CNTN5: variants seen among roughly 807,000 people sequenced by gnomAD.
The protein encoded by CNTN5 is contactin-5.
Under a neutral mutation model 129.1 loss-of-function variants are expected in CNTN5, and 77 were observed. The ratio of observed to expected loss-of-function variants is 0.60; its 90% confidence interval spans 0.50 to 0.72. The LOEUF (loss-of-function observed/expected upper bound fraction) is 0.72. CNTN5 is among the 30% of genes least tolerant of loss of function. The pLI is 0.00. For synonymous variants in CNTN5, 509 were observed against 465.6 expected, an observed-to-expected ratio of 1.09 and a Z score of -1.20; for missense variants, 1,478 against 1,328.8, an observed-to-expected ratio of 1.11 and a Z score of -1.75.
chr11:99,172,543 G>A (rs1447968909), intron 1 of CNTN5, among the ~76,000 whole-genome samples: 1 of 152,148 alleles, frequency 6.6e-6, no homozygotes, highest in Non-Finnish European at 1.5e-5. Flanking sequence ...TAACATCTCT[G>A]AAGCTCAGTT....
Position 100,337,086 on chromosome 11 carries a change from G to T in CNTN5, c.2731-3377G>T, listed in dbSNP as rs1170535211. The stretch of plus-strand genomic sequence containing the variant: ...AGATTTCACAAATCACTCTTGTAGG[G>T]ATCATCAGACATGCAGAGAAGACTT... On this transcript the variant is annotated intron_variant, in intron 21 of 24. Coordinates refer to ENST00000524871, the MANE Select transcript of CNTN5 (RefSeq NM_014361.4). 5.3e-6 allele frequency: 7 copies of T among 1,332,230 alleles called. No individual in the cohort carries two copies. In the East Asian group the frequency reaches 1.2e-4, roughly 22 times the overall value. The allele number at this position is 1,332,230 out of a possible 1,614,324, so 82.5% of individuals were successfully genotyped here. A position where few individuals can be genotyped will look rare whatever the true frequency, so the allele number is the denominator to read the frequency against.
intron 1 of CNTN5, among the ~76,000 whole-genome samples, chr11:99,245,169 A>AT (rs1861755083): frequency 6.6e-6 from 1 of 152,152 alleles, no homozygotes; most frequent in African/African-American, 2.4e-5. Flanking sequence ...GCTTAGGTAT[A>AT]TTTTTACTGA....
intron 1 of CNTN5, among the ~76,000 whole-genome samples, chr11:99,191,447 A>T (rs1168782623): frequency 6.6e-6 from 1 of 151,756 alleles, no homozygotes. Context: ...GAAACATCTG[A>T]CTTAAACTAC....
At chr11:99,587,744 T>C (rs1047365580) in intron 3 of CNTN5, among the ~76,000 whole-genome samples, 5 of 94,716 alleles carry the variant, frequency 5.3e-5, no homozygotes, top group African/African-American at 1.2e-4. Context: ...TAAAAACTAG[T>C]AGCAGAGTTC....
chr11:99,153,338 A>C (rs940013888), intron 1 of CNTN5, among the ~76,000 whole-genome samples: 2 of 151,952 alleles, frequency 1.3e-5, no homozygotes, highest in African/African-American at 2.4e-5. Flanking sequence ...CCTTTTATTC[A>C]TTTTTTAAAT....
At chr11:100,282,570 C>T (rs1006099469) in intron 18 of CNTN5, among the ~76,000 whole-genome samples, 3 of 152,326 alleles carry the variant, frequency 2.0e-5, no homozygotes, top group Non-Finnish European at 2.9e-5. Context: ...CTATGGCCTG[C>T]TATAACCACT....
Position 99,890,714 on chromosome 11 carries a change from T to C in CNTN5, c.578-25340T>C, listed in dbSNP as rs969839468. On this transcript the variant is annotated intron_variant, in intron 6 of 24. Coordinates refer to ENST00000524871, the MANE Select transcript of CNTN5 (RefSeq NM_014361.4). ...AACCACCCACTGCTTAAGTGTGGCA[T>C]GTACTTAGAGATTTCCTTCCAAAGA... Among the ~76,000 whole-genome samples, 47 of 152,218 alleles carry C rather than the reference T, an allele frequency of 3.1e-4. 1 individual carries two copies. Among genetic ancestry groups the C allele is most frequent in the African/African-American group, 1.1e-3 (44 of 41,540 alleles).
chr11:99,768,059 A>C (rs1944816031), intron 3 of CNTN5, among the ~76,000 whole-genome samples: 2 of 152,202 alleles, frequency 1.3e-5, no homozygotes, highest in South Asian at 4.1e-4. Flanking sequence ...CTGCTTTTGC[A>C]CTGCAAGACT....
chr11:99,121,165 C>T (rs1400884256), intron 1 of CNTN5, among the ~76,000 whole-genome samples: 3 of 143,568 alleles, frequency 2.1e-5, no homozygotes, highest in Non-Finnish European at 4.6e-5. Context: ...GATCGAGTCT[C>T]ACTCTGTTGC....
intron 3 of CNTN5, among the ~76,000 whole-genome samples, chr11:99,708,419 T>C (rs1472908212): frequency 6.6e-6 from 1 of 151,710 alleles, no homozygotes; most frequent in Non-Finnish European, 1.5e-5. Flanking sequence ...CACTTTGTAA[T>C]GTCACAGTCA....
Position 100,291,254 on chromosome 11 carries a change from C to G in CNTN5, c.2315-6371C>G, listed in dbSNP as rs1478542912. Among the ~76,000 whole-genome samples, 3 of 151,806 alleles carry G rather than the reference C, an allele frequency of 2.0e-5. No individual in the cohort carries two copies. The South Asian group carries it at 6.3e-4, about 32-fold the overall frequency. On this transcript the variant is annotated intron_variant, in intron 18 of 24. Coordinates refer to ENST00000524871, the MANE Select transcript of CNTN5 (RefSeq NM_014361.4). ...ACCATTTGACCCAGCCATCCCATTA[C>G]TGGGTATATACCCAATGGACTATAA...
intron 6 of CNTN5, among the ~76,000 whole-genome samples, chr11:99,911,703 C>G (rs1949663711): frequency 6.6e-6 from 1 of 150,492 alleles, no homozygotes; most frequent in Non-Finnish European, 1.5e-5. Context: ...GTACATATAG[C>G]TCACATTCTA....
At chr11:99,849,685 A>G (rs891583679) in intron 6 of CNTN5, among the ~76,000 whole-genome samples, 5 of 152,130 alleles carry the variant, frequency 3.3e-5, no homozygotes, top group African/African-American at 1.2e-4. Flanking sequence ...TCAAGCTCAC[A>G]TTGACAGCTT....
At chr11:99,400,460 A>G (rs1168851773) in intron 2 of CNTN5, among the ~76,000 whole-genome samples, 1 of 151,980 alleles carries the variant, frequency 6.6e-6, no homozygotes, top group East Asian at 1.9e-4. Context: ...CATTTTCTTT[A>G]TCCAATCATC....
intron 1 of CNTN5, among the ~76,000 whole-genome samples, chr11:99,087,444 G>A (rs1452077805): frequency 3.3e-5 from 5 of 152,152 alleles, no homozygotes; most frequent in African/African-American, 1.2e-4. Flanking sequence ...TACAATGTGA[G>A]GTACTGAGAT....
chr11:99,821,444 A>C (rs1185308835), intron 4 of CNTN5, among the ~76,000 whole-genome samples: 1 of 152,194 alleles, frequency 6.6e-6, no homozygotes, highest in African/African-American at 2.4e-5. Flanking sequence ...GGTCAGTTAC[A>C]TATTTCACAG....
rs1178085549 is a variant in CNTN5 at position 100,055,027 on chromosome 11, C to CT, written c.981-6184dup. 4.0e-3 allele frequency among the ~76,000 whole-genome samples: 276 copies of CT among 68,658 alleles called. 2 individuals are homozygous for CT. The highest frequency in any genetic ancestry group is 0.013 in the African/African-American group (210 of 15,640). 45.0% of individuals were successfully genotyped at this position (68,658 alleles called of 152,430 possible). On this transcript the variant is annotated intron_variant, in intron 9 of 24. Coordinates refer to ENST00000524871, the MANE Select transcript of CNTN5 (RefSeq NM_014361.4). ...TGCCAGAAATCATCATAGCCGTAGC[C>CT]TAAAAAAAAAAAAAAAAAAAAAAAG...
chr11:99,938,508 A>C (rs184140932), intron 7 of CNTN5, among the ~76,000 whole-genome samples: 1 of 152,244 alleles, frequency 6.6e-6, no homozygotes, highest in East Asian at 1.9e-4. Flanking sequence ...CATAATGGGA[A>C]GTACAAGAAG....
At chr11:100,338,264 G>A (rs1174704450) in intron 21 of CNTN5, among the ~76,000 whole-genome samples, 1 of 152,128 alleles carries the variant, frequency 6.6e-6, no homozygotes, top group African/African-American at 2.4e-5. Context: ...TAGTTAAAAT[G>A]TTCATTCTTG....
Sources: gnomAD v4.1 joint callset for allele counts (sites outside exome capture counted in the v4.1 genomes callset) on GRCh38, gnomAD v4.1.1 for gene constraint, MANE v1.5 for transcripts, NCBI Gene and HGNC (gene_info 2026-07-23, HGNC 2026-07-21) for gene names.